The following CACNA1S variants were observed in gnomAD, a reference collection of about 807,000 sequenced individuals.
The protein encoded by CACNA1S is voltage-dependent L-type calcium channel subunit alpha-1S.
In CACNA1S, 126 loss-of-function variants were observed where a neutral mutation model predicts 207.4. The ratio of observed to expected loss-of-function variants is 0.61; its 90% CI spans 0.53 to 0.70. The LOEUF (loss-of-function observed/expected upper bound fraction) is 0.70, where lower values mean the gene tolerates loss of function less well. Ranked by LOEUF, CACNA1S falls within the 30% of genes least tolerant of loss-of-function variation. The pLI, the probability that CACNA1S is intolerant of heterozygous loss-of-function variation, is 0.00. For synonymous variants in CACNA1S, 960 were observed against 932.7 expected, an observed-to-expected ratio of 1.03 and a Z score of -0.53; for missense variants, 2,349 against 2,422.8, an observed-to-expected ratio of 0.97 and a Z score of 0.64.
chr1:201,045,781 TTTGTGGTTATG>T (rs1354325527), intron 38 of CACNA1S, among the ~76,000 whole-genome samples: 1 of 151,654 alleles, frequency 6.6e-6, no homozygotes, highest in Non-Finnish European at 1.5e-5. Flanking sequence ...ATTTCCTGAT[TTTGTGGTTATG>T]TTGTGGTTAC....
Position 201,091,666 on chromosome 1 carries a change from T to C in CACNA1S, c.668A>G (p.His223Arg). 1 of 1,614,210 alleles carries C rather than the reference T, an allele frequency of 6.2e-7. No homozygotes were observed. The highest frequency in any genetic ancestry group is 8.5e-7 in the Non-Finnish European group (1 of 1,180,038). The change falls in exon 5 of 44, where the codon CAC (histidine) becomes CGC (arginine). Residue 223 changes from histidine (H) to arginine (R), a missense_variant. Transcript: ENST00000362061. ...IGLELFKGKM[H>R]KTCYFIGTDI... The stretch of plus-strand genomic sequence containing the variant: ...TGTACCAATGAAGTAGCAGGTCTTG[T>C]GCATCTTGCCCTTGAAGAGCTCCAG...
chr1:201,101,777 G>A (rs1369807147), intron 2 of CACNA1S, among the ~76,000 whole-genome samples: 1 of 152,208 alleles, frequency 6.6e-6, no homozygotes, highest in Non-Finnish European at 1.5e-5. Context: ...TGGGTGTGAG[G>A]TGGCCAGCCC....
At position 201,070,282 on chromosome 1, in the gene CACNA1S, G is replaced by C. The variant is rs755964792; in HGVS notation, c.2350C>G (p.Pro784Ala). The change falls in exon 17 of 44, where the codon CCC (proline) becomes GCC (alanine). Residue 784 changes from proline to alanine, a missense_variant. By Grantham distance (27) the Pro-to-Ala change is conservative (BLOSUM62 -1). Coordinates refer to ENST00000362061, the MANE Select transcript of CACNA1S (RefSeq NM_000069.3). The part of the protein sequence containing the change: ...PEASSFFIFS[P>A]TNKIRVLCHR... Reference sequence around the variant, plus strand: ...CCAAGGGGCACCCACTTATTGGTGGGGCTGAAGATGAAGAAGGAGCTGGCT... The same window carrying C: ...CCAAGGGGCACCCACTTATTGGTGGCGCTGAAGATGAAGAAGGAGCTGGCT... The C allele has an allele frequency of 5.6e-6, 9 of 1,613,870 alleles. No individual in the cohort carries two copies. In the African/African-American group the frequency reaches 1.2e-4, roughly 22 times the overall value.
intron 19 of CACNA1S, among the ~76,000 whole-genome samples, chr1:201,068,229 C>CCCT (rs1558066524): frequency 8.1e-6 from 1 of 123,166 alleles, no homozygotes; most frequent in African/African-American, 3.2e-5. Context: ...CCCGGCTCTG[C>CCCT]TCTTTTTTTT....
At chr1:201,105,114 T>C (rs1368919770) in intron 2 of CACNA1S, among the ~76,000 whole-genome samples, 1 of 152,124 alleles carries the variant, frequency 6.6e-6, no homozygotes, top group African/African-American at 2.4e-5. Flanking sequence ...TAAGAAAAGT[T>C]AGGGGTTTCA....
chr1:201,081,939 A>C (rs977908545), intron 10 of CACNA1S, among the ~76,000 whole-genome samples: 3 of 151,940 alleles, frequency 2.0e-5, no homozygotes, highest in Non-Finnish European at 2.9e-5. Flanking sequence ...TCAGAAGCTG[A>C]GCAGATGCCA....
intron 25 of CACNA1S, 32 bp from the exon 26 acceptor site, chr1:201,060,848 C>A (rs1485474266): frequency 6.2e-7 from 1 of 1,613,610 alleles, no homozygotes; most frequent in Admixed American, 1.7e-5. Flanking sequence ...AGGTCAGCAC[C>A]AAGAGGCCCC....
In CACNA1S at chr1:201,065,690, A is replaced by G. The variant is rs146482479; in HGVS notation, c.2853+148T>C. 6.8e-4 allele frequency: 464 copies of G among 677,890 alleles called. 3 individuals are homozygous for G. In the African/African-American group the frequency reaches 7.1e-3, roughly 10 times the overall value. The allele number at this position is 677,890 out of a possible 1,614,324, so 42.0% of individuals were successfully genotyped here. ...CAAACTTATGTGTTTGGTGTGGTGAAGACCTATTTTTCAAAATAAAATATT... is the reference window on the plus strand; with the variant it reads ...CAAACTTATGTGTTTGGTGTGGTGAGGACCTATTTTTCAAAATAAAATATT... On this transcript the variant is annotated intron_variant, in intron 22 of 43. Coordinates refer to ENST00000362061, the MANE Select transcript of CACNA1S (RefSeq NM_000069.3).
In CACNA1S at chr1:201,049,017, G is replaced by C. The variant is rs759331560; in HGVS notation, c.4324C>G (p.Arg1442Gly). 11 of 1,613,516 alleles carry C rather than the reference G, an allele frequency of 6.8e-6. No individual in the cohort carries two copies. The highest frequency in any genetic ancestry group is 9.3e-6 in the Non-Finnish European group (11 of 1,179,636). Reference sequence around the variant, plus strand: ...GCTCTGGTTACCTTACAAGCTACCCGATGTGGGCAGAACTTCCCAAAGCCC... The same window carrying C: ...GCTCTGGTTACCTTACAAGCTACCCCATGTGGGCAGAACTTCCCAAAGCCC... ...PLGFGKFCPH[R>G]VACKRLVGMN... The change falls in exon 35 of 44, where the codon CGG (arginine) becomes GGG (glycine). Residue 1442 changes from arginine to glycine, a missense_variant. Transcript: ENST00000362061.
rs886045795 is a variant in CACNA1S, at chr1:201,048,579, C to T, written c.4441+3G>A. The T allele has an allele frequency of 1.9e-5, 30 of 1,607,462 alleles. No homozygotes were observed. The highest frequency in any genetic ancestry group is 1.7e-4 in the Middle Eastern group (1 of 6,050). ...GGGGGCTCACATTGGAAGGCACTCTCACCTTCCGTCTTGATCTTGAGTGCC... is the reference window on the plus strand; with the variant it reads ...GGGGGCTCACATTGGAAGGCACTCTTACCTTCCGTCTTGATCTTGAGTGCC... On this transcript the variant is annotated splice_donor_region_variant and intron_variant, in intron 36 of 43. Transcript: ENST00000362061.
rs772000071 is a variant in CACNA1S, at chr1:201,093,931, A to G, written c.349T>C (p.Tyr117His). The change falls in exon 3 of 44, where the codon TAC (tyrosine) becomes CAC (histidine). Residue 117 changes from tyrosine to histidine, a missense_variant. By Grantham distance (83) the Tyr-to-His change is moderately conservative. Transcript: ENST00000362061. The part of the protein sequence containing the change: ...AYGFLFHQDA[Y>H]LRSGWNVLDF... ...AGCACATTCCAGCCACTGCGCAGGT[A>G]AGCGTCCTGGTGGAATAAGAAGCCG... 8 of 1,614,212 alleles carry G rather than the reference A, an allele frequency of 5.0e-6. No individual in the cohort carries two copies. The highest frequency in any genetic ancestry group is 6.8e-6 in the Non-Finnish European group (8 of 1,180,032).
At chr1:201,103,703 AG>A (rs1662764243) in intron 2 of CACNA1S, among the ~76,000 whole-genome samples, 1 of 152,206 alleles carries the variant, frequency 6.6e-6, no homozygotes, top group Non-Finnish European at 1.5e-5. Context: ...TGGATCTCTA[AG>A]GGGTGAGGCC....
chr1:201,094,106 C>G, intron 2 of CACNA1S, 85 bp from the exon 3 acceptor site: 1 of 1,563,842 alleles, frequency 6.4e-7, no homozygotes, highest in Non-Finnish European at 8.8e-7. Flanking sequence ...GCTGGGTTCC[C>G]TGCTGTTGCT....
chr1:201,085,701 C>T (rs1558077152), intron 7 of CACNA1S, 120 bp from the exon 8 acceptor site: 27 of 1,191,468 alleles, frequency 2.3e-5, no homozygotes, highest in Admixed American at 4.3e-5. Flanking sequence ...TTTCTGGCCC[C>T]GGGGTGTTGC....
rs960814578 is a variant in CACNA1S at position 201,043,388 on chromosome 1, G to T, written c.4941C>A (p.Phe1647Leu). Residue 1647 changes from phenylalanine (F) to leucine (L), a missense_variant, in exon 40 of 44, where the codon TTC becomes TTA. Physicochemically the swap from Phe to Leu is conservative, Grantham distance 22. Coordinates refer to ENST00000362061, the MANE Select transcript of CACNA1S (RefSeq NM_000069.3). ...GGGGGTTGGTGCGTGGATCTTGTGG[G>T]AAGTCCTCCAAGAAGACAGGTGACT... ...EMESPVFLED[F>L]PQDPRTNPLA... The T allele has an allele frequency of 1.2e-6, 2 of 1,614,062 alleles. No homozygotes were observed. The highest frequency in any genetic ancestry group is 2.7e-5 in the African/African-American group (2 of 74,904).
At chr1:201,112,133 G>A (rs973591021) in intron 1 of CACNA1S, 55 bp downstream of exon 1, 18 of 1,565,560 alleles carry the variant, frequency 1.1e-5, no homozygotes, top group Non-Finnish European at 1.4e-5. Flanking sequence ...TGATCACCCC[G>A]AATCCCTCCC....
rs1490370269 is a variant in CACNA1S at position 201,047,187 on chromosome 1, G to A, written c.4596C>T (p.His1532=). Residue 1532 remains histidine, a synonymous_variant, in exon 38 of 44, where the codon CAC becomes CAT. Coordinates refer to ENST00000362061, the MANE Select transcript of CACNA1S (RefSeq NM_000069.3). ...KFYATFLIQE[H]FRKFMKRQEE... The stretch of plus-strand genomic sequence containing the variant: ...CTTGGCGTTTCATGAACTTCCGGAA[G>A]TGCTCCTGGATGAGGAATGTGGCGT... 1 of 1,614,080 alleles carries A rather than the reference G, an allele frequency of 6.2e-7. No homozygotes were observed. Among genetic ancestry groups the A allele is most frequent in the African/African-American group, 1.3e-5 (1 of 74,938 alleles).
chr1:201,108,438 G>A (rs139184412), intron 2 of CACNA1S, among the ~76,000 whole-genome samples: 1 of 152,106 alleles, frequency 6.6e-6, no homozygotes, highest in African/African-American at 2.4e-5. Context: ...GTGGGGCAGA[G>A]TTTTTTTACA....
chr1:201,062,610 G>A, intron 22 of CACNA1S, 96 bp from the exon 23 acceptor site: 8 of 1,076,388 alleles, frequency 7.4e-6, no homozygotes, highest in Non-Finnish European at 1.1e-5. Flanking sequence ...AAGGGGGGAG[G>A]GAAGGCAGGC....
Sources: allele counts gnomAD v4.1 joint callset (sites outside exome capture counted in the v4.1 genomes callset), GRCh38; gene constraint gnomAD v4.1.1; transcripts MANE v1.5; gene names NCBI Gene and HGNC (gene_info 2026-07-23, HGNC 2026-07-21).